The following SERF2 variants were observed in gnomAD, a reference collection of about 807,000 sequenced individuals.
The protein encoded by SERF2 is small EDRK-rich factor 2, also known as gastric cancer-related protein VRG107.
In SERF2, 4 loss-of-function variants were observed where a neutral mutation model predicts 10.7. The ratio of observed to expected loss-of-function variants is 0.37; its 90% CI spans 0.18 to 0.86. The LOEUF is 0.86. SERF2 is among the 40% of genes least tolerant of loss of function. The pLI is 0.43. For missense variants in SERF2, 47 were observed against 79.1 expected (o/e 0.59, Z 1.54); for synonymous variants, 26 against 26.0 (o/e 1.00, Z 0.01).
upstream of SERF2, among the ~76,000 whole-genome samples, chr15:43,788,506 G>A (rs2087026013): frequency 6.6e-6 from 1 of 152,162 alleles, no homozygotes; most frequent in African/African-American, 2.4e-5. Context: ...TTTTGAGACA[G>A]GGTCTCATTC....
chr15:43,787,886 T>C (rs2087020922), upstream of SERF2, among the ~76,000 whole-genome samples: 1 of 149,872 alleles, frequency 6.7e-6, no homozygotes, highest in Non-Finnish European at 1.5e-5. Flanking sequence ...TTTTTTTTTT[T>C]TTTTTTGAGA....
At chr15:43,792,246 G>T, upstream of SERF2, 1 of 814,956 alleles carries the variant, frequency 1.2e-6, no homozygotes, top group Non-Finnish European at 2.1e-6. Context: ...TCCAATGGGA[G>T]CCGGCTCCCG....
intron 1 of SERF2, among the ~76,000 whole-genome samples, chr15:43,781,949 T>C (rs910986819): frequency 1.3e-5 from 2 of 151,376 alleles, no homozygotes; most frequent in Non-Finnish European, 2.9e-5. Flanking sequence ...ACTGCAGTGG[T>C]GCGATCTCAG....
chr15:43,785,072 CTTTT>C (rs756768224), intron 1 of SERF2, among the ~76,000 whole-genome samples: 1 of 125,660 alleles, frequency 8.0e-6, no homozygotes, highest in Admixed American at 8.2e-5. Flanking sequence ...TTATTTATTA[CTTTT>C]TTTTTTTTTT....
At chr15:43,790,306 T>A (rs577791537), upstream of SERF2, among the ~76,000 whole-genome samples, 7 of 151,694 alleles carry the variant, frequency 4.6e-5, no homozygotes, top group South Asian at 2.1e-4. Context: ...AGTAAGACTG[T>A]CTCAAAAAAA....
chr15:43,780,039 A>T (rs1282732839), intron 1 of SERF2, among the ~76,000 whole-genome samples: 2 of 152,218 alleles, frequency 1.3e-5, no homozygotes, highest in African/African-American at 4.8e-5. Context: ...GATAAAAATC[A>T]GTTACATCAT....
chr15:43,792,303 G>GA, upstream of SERF2: 1 of 1,304,368 alleles, frequency 7.7e-7, no homozygotes, highest in Non-Finnish European at 1.1e-6. Context: ...TACGTTGCCA[G>GA]AAGGGGCGGG....
intron 2 of SERF2, 55 bp downstream of exon 2, chr15:43,793,138 G>T (rs994829319): frequency 7.3e-5 from 83 of 1,140,672 alleles, no homozygotes; most frequent in Non-Finnish European, 1.0e-4. Flanking sequence ...TAGACCAAGG[G>T]TTATAGAAGG....
Position 43,794,465 on chromosome 15 carries a change from T to C in SERF2, c.*692T>C, listed in dbSNP as rs1211795557. ...TGTCAAGCGTTCACTTTCTCTTCTG[T>C]CATTCCTCATGGAATGAGGGTGGTT... On this transcript the variant is annotated 3_prime_UTR_variant, in exon 3 of 3. Coordinates refer to ENST00000249786, the MANE Select transcript of SERF2 (RefSeq NM_001018108.4). The C allele has an allele frequency of 6.2e-6, 1 of 161,224 alleles. No individual in the cohort carries two copies. Among genetic ancestry groups the C allele is most frequent in the East Asian group, 1.9e-4 (1 of 5,314 alleles). The allele number at this position is 161,224 out of a possible 1,614,324, so 10.0% of individuals were successfully genotyped here.
chr15:43,787,400 AT>A, upstream of SERF2, among the ~76,000 whole-genome samples: 1 of 151,692 alleles, frequency 6.6e-6, no homozygotes, highest in East Asian at 2.0e-4. Context: ...GAGGGGAAGA[AT>A]TTTTTTATTT....
rs2087207592 is a variant in SERF2 at position 43,796,029 on chromosome 15, G to T, written c.*2256G>T. The T allele has an allele frequency of 2.7e-6, 2 of 754,468 alleles. No homozygotes were observed. Among genetic ancestry groups the T allele is most frequent in the African/African-American group, 1.7e-5 (1 of 57,500 alleles). The allele number at this position is 754,468 out of a possible 1,614,324, so 46.7% of individuals were successfully genotyped here. A position where few individuals can be genotyped will look rare whatever the true frequency, so the allele number is the denominator to read the frequency against. ...ATCTAGCACAGTTGCCTAGCACATTGTGGGTACTCAATAAAAGGTAACAGC... is the reference window on the plus strand; with the variant it reads ...ATCTAGCACAGTTGCCTAGCACATTTTGGGTACTCAATAAAAGGTAACAGC... On this transcript the variant is annotated 3_prime_UTR_variant, in exon 3 of 3. Transcript: ENST00000249786.
chr15:43,795,157 CA>C lies in SERF2; in HGVS notation c.*1385del. ...GGCCCAGCATGAGGCAACCTTGACC[CA>C]GAAGGTGGCCCAGCTACCCTTGATG... On this transcript the variant is annotated 3_prime_UTR_variant, in exon 3 of 3. Coordinates refer to ENST00000249786, the MANE Select transcript of SERF2 (RefSeq NM_001018108.4). 1 of 1,614,122 alleles carries C rather than the reference CA, an allele frequency of 6.2e-7. No individual in the cohort carries two copies. The highest frequency in any genetic ancestry group is 8.5e-7 in the Non-Finnish European group (1 of 1,180,024).
At chr15:43,792,541 C>T in intron 1 of SERF2, 158 bp downstream of exon 1, 3 of 1,507,156 alleles carry the variant, frequency 2.0e-6, no homozygotes, top group African/African-American at 1.4e-5. Context: ...GAAATCGAGC[C>T]CTTTGCCCAC....
intron 2 of SERF2, among the ~76,000 whole-genome samples, chr15:43,786,336 G>A (rs1326922943): frequency 6.7e-6 from 1 of 148,716 alleles, no homozygotes. Flanking sequence ...AATGGTATGA[G>A]CCCAGGAGGC....
Position 43,794,825 on chromosome 15 carries a change from T to A in SERF2, c.*1052T>A. On this transcript the variant is annotated 3_prime_UTR_variant, in exon 3 of 3. Transcript: ENST00000249786. ...ACAGTAGCTCCAGTGAGTCAGACAC[T>A]CTGCCCAGCACATTAGACTGTGTTT... is the stretch of plus-strand genomic sequence containing the variant. 1.7e-6 allele frequency: 1 copy of A among 588,542 alleles called. No individual in the cohort carries two copies. The highest frequency in any genetic ancestry group is 2.8e-5 in the East Asian group (1 of 36,296). The allele number at this position is 588,542 out of a possible 1,614,324, so 36.5% of individuals were successfully genotyped here.
At chr15:43,777,183 G>C (rs749692353) in exon 1 of SERF2, 3 of 614,686 alleles carry the variant, frequency 4.9e-6, no homozygotes, top group Middle Eastern at 5.1e-4. Context: ...CCCAGTTCTC[G>C]GGAGAAAGAG....
upstream of SERF2, among the ~76,000 whole-genome samples, chr15:43,791,193 C>T (rs2087056413): frequency 6.6e-6 from 1 of 152,138 alleles, no homozygotes; most frequent in Non-Finnish European, 1.5e-5. Flanking sequence ...CCTGCCTCAG[C>T]CTCCTGAGTA....
At chr15:43,792,522 C>T (rs937840875) in intron 1 of SERF2, 139 bp downstream of exon 1, 1 of 1,536,322 alleles carries the variant, frequency 6.5e-7, no homozygotes, top group East Asian at 2.4e-5. Context: ...CCCTCACACT[C>T]GGTGCCCGGA....
chr15:43,793,509 T>C, intron 2 of SERF2: 2 of 1,449,708 alleles, frequency 1.4e-6, no homozygotes, highest in Non-Finnish European at 1.8e-6. Flanking sequence ...TTCTGACCCC[T>C]TGGGCAACAG....
Sources: allele counts gnomAD v4.1 joint callset (sites outside exome capture counted in the v4.1 genomes callset), GRCh38; gene constraint gnomAD v4.1.1; transcripts MANE v1.5; gene names NCBI Gene and HGNC (gene_info 2026-07-23, HGNC 2026-07-21).